ZNF169: variants seen among roughly 807,000 people sequenced by gnomAD.
ZNF169 encodes zinc finger protein 169.
In ZNF169, 11 loss-of-function variants were observed where a neutral mutation model predicts 12.0. The observed-to-expected ratio is 0.92, with a 90% confidence interval of 0.58 to 1.52. The LOEUF (loss-of-function observed/expected upper bound fraction) is 1.52, where lower values mean the gene tolerates loss of function less well. Ranked by LOEUF, ZNF169 falls within the 40% of genes most tolerant of loss-of-function variation. The pLI is 0.00. For synonymous variants in ZNF169, 302 were observed against 286.5 expected (o/e 1.05, Z -0.55); for missense variants, 722 against 744.0 (o/e 0.97, Z 0.34).
intron 2 of ZNF169, among the ~76,000 whole-genome samples, chr9:94,287,164 C>T (rs1323284700): frequency 6.6e-6 from 1 of 152,182 alleles, no homozygotes; most frequent in Non-Finnish European, 1.5e-5. Flanking sequence ...GAAGGGCCAC[C>T]ATGTTCCCTC....
chr9:94,280,799 G>A (rs905931008), intron 2 of ZNF169, among the ~76,000 whole-genome samples: 6 of 152,262 alleles, frequency 3.9e-5, no homozygotes, highest in Admixed American at 3.9e-4. Context: ...CCAGAGTGGT[G>A]GGGTGGGTAG....
At chr9:94,262,955 C>A (rs1295492136) in intron 1 of ZNF169, among the ~76,000 whole-genome samples, 3 of 152,152 alleles carry the variant, frequency 2.0e-5, no homozygotes, top group Non-Finnish European at 4.4e-5. Context: ...GGTCAAAGAA[C>A]AAATGATGTA....
intron 1 of ZNF169, among the ~76,000 whole-genome samples, 169 bp from the exon 2 acceptor site, chr9:94,278,589 G>T (rs1830564797): frequency 1.3e-5 from 2 of 152,200 alleles, no homozygotes. Flanking sequence ...GCCCAGCTCT[G>T]TGGGCTTTTT....
Position 94,301,125 on chromosome 9 carries a change from C to A in ZNF169, c.1567C>A (p.Leu523Ile). 1 of 1,613,944 alleles carries A rather than the reference C, an allele frequency of 6.2e-7. No individual in the cohort carries two copies. The highest frequency in any genetic ancestry group is 8.5e-7 in the Non-Finnish European group (1 of 1,179,964). Reference protein sequence around the residue: ...LYVDRVCGQGLGQKSHLISDQ... With the variant: ...LYVDRVCGQGIGQKSHLISDQ... Reference sequence around the variant, plus strand: ...CGTAGACAGGGTGTGTGGACAAGGACTTGGCCAGAAGTCACACCTTATCTC... The same window carrying A: ...CGTAGACAGGGTGTGTGGACAAGGAATTGGCCAGAAGTCACACCTTATCTC... Residue 523 changes from leucine (L) to isoleucine (I), a missense_variant, in exon 5 of 5, where the codon CTT (leucine) becomes ATT (isoleucine). Physicochemically the swap from Leu to Ile is conservative, Grantham distance 5 (BLOSUM62 2). Transcript: ENST00000395395.
At chr9:94,278,906 G>A in intron 2 of ZNF169, 61 bp downstream of exon 2, 1 of 1,575,766 alleles carries the variant, frequency 6.3e-7, no homozygotes, top group Non-Finnish European at 8.7e-7. Flanking sequence ...TTCTTGTCCT[G>A]AAGGCTGCCT....
chr9:94,298,686 G>A (rs1382628962), intron 4 of ZNF169, among the ~76,000 whole-genome samples: 4 of 143,736 alleles, frequency 2.8e-5, no homozygotes, highest in Admixed American at 1.5e-4. Flanking sequence ...CCAAGATCAC[G>A]CCACTGCACT....
At chr9:94,284,534 G>A (rs1011526388) in intron 2 of ZNF169, among the ~76,000 whole-genome samples, 1 of 152,106 alleles carries the variant, frequency 6.6e-6, no homozygotes, top group African/African-American at 2.4e-5. Context: ...AATTGTTAGA[G>A]CTAATGAATT....
chr9:94,268,466 A>G (rs1369049153), intron 1 of ZNF169, among the ~76,000 whole-genome samples: 1 of 152,184 alleles, frequency 6.6e-6, no homozygotes, highest in Non-Finnish European at 1.5e-5. Context: ...TTTATACCAA[A>G]TAAGCCCAAT....
rs1247549960 is a variant in ZNF169 at position 94,300,822 on chromosome 9, A to C, written c.1264A>C (p.Arg422=). The change falls in exon 5 of 5, where the codon AGG becomes CGG. Residue 422 remains arginine, a synonymous_variant. Coordinates refer to ENST00000395395, the MANE Select transcript of ZNF169 (RefSeq NM_194320.4). The stretch of plus-strand genomic sequence containing the variant: ...AAAGGTCACTCTCATCAGGCACCAG[A>C]GGACACACACAGGGGAGAAGCCTTA... ...RQKVTLIRHQ[R]THTGEKPYLC... The C allele has an allele frequency of 1.9e-6, 3 of 1,613,966 alleles. No individual in the cohort carries two copies. Among genetic ancestry groups the C allele is most frequent in the Non-Finnish European group, 1.7e-6 (2 of 1,179,988 alleles).
rs1410109102 is a variant in ZNF169 at position 94,292,638 on chromosome 9, T to TGC, written c.160+172_160+173insCG. On this transcript the variant is annotated intron_variant, in intron 3 of 4. Coordinates refer to ENST00000395395, the MANE Select transcript of ZNF169 (RefSeq NM_194320.4). ...GTGTGTGTGTGTGTGTGTGTGTGTGTGTGCGCGTGCACATGCTGTGAGCGT... is the reference window on the plus strand; with the variant it reads ...GTGTGTGTGTGTGTGTGTGTGTGTGTGCGTGCGCGTGCACATGCTGTGAGCGT... 1,961 of 824,588 alleles carry TGC rather than the reference T, an allele frequency of 2.4e-3. 21 individuals carry two copies. In the African/African-American group the frequency reaches 0.027, roughly 11 times the overall value. The allele number at this position is 824,588 out of a possible 1,614,324, so 51.1% of individuals were successfully genotyped here. A position where few individuals can be genotyped will look rare whatever the true frequency, so the allele number is the denominator to read the frequency against.
At chr9:94,261,603 T>C (rs934051435) in intron 1 of ZNF169, among the ~76,000 whole-genome samples, 4 of 146,918 alleles carry the variant, frequency 2.7e-5, no homozygotes, top group Non-Finnish European at 4.6e-5. Context: ...TCTTTGGAAA[T>C]TGTCTCTTTC....
intron 2 of ZNF169, chr9:94,288,129 G>C: frequency 1.2e-6 from 1 of 824,098 alleles, no homozygotes; most frequent in Non-Finnish European, 2.1e-6. Context: ...CAGCACCAGA[G>C]CACCCTGGAA....
intron 1 of ZNF169, among the ~76,000 whole-genome samples, chr9:94,270,817 TAAA>T (rs1179339489): frequency 5.2e-5 from 1 of 19,260 alleles, no homozygotes; most frequent in African/African-American, 1.3e-4. Context: ...TTATATTATA[TAAA>T]TATATATAAA....
rs757531399 is a variant in ZNF169 at position 94,301,044 on chromosome 9, G to A, written c.1486G>A (p.Gly496Ser). Residue 496 changes from glycine (G) to serine (S), a missense_variant, in exon 5 of 5, where the codon GGC becomes AGC. Physicochemically the swap from Gly to Ser is moderately conservative, Grantham distance 56. Transcript: ENST00000395395. Reference sequence around the variant, plus strand: ...GTGCCCCAAGTGTGGGCGTGCATTTGGCTTTAAGTCGCTCCTCACCCGACA... The same window carrying A: ...GTGCCCCAAGTGTGGGCGTGCATTTAGCTTTAAGTCGCTCCTCACCCGACA... ...YLCPKCGRAF[G>S]FKSLLTRHQR... 3 of 1,613,112 alleles carry A rather than the reference G, an allele frequency of 1.9e-6. No homozygotes were observed. The highest frequency in any genetic ancestry group is 2.5e-6 in the Non-Finnish European group (3 of 1,179,838).
intron 2 of ZNF169, among the ~76,000 whole-genome samples, chr9:94,286,480 A>G (rs912102743): frequency 6.6e-5 from 10 of 152,084 alleles, no homozygotes; most frequent in Non-Finnish European, 1.0e-4. Context: ...TTAATTCTCA[A>G]TATTGGGGGA....
chr9:94,271,678 C>T (rs10821333), intron 1 of ZNF169, among the ~76,000 whole-genome samples: 11,105 of 148,130 alleles, frequency 0.075, 584 homozygotes, highest in Middle Eastern at 0.12. Flanking sequence ...TGAGATTGTG[C>T]CATTGCACTC....
At chr9:94,266,360 T>G (rs73653454) in intron 1 of ZNF169, among the ~76,000 whole-genome samples, 3,910 of 152,304 alleles carry the variant, frequency 0.026, 161 homozygotes, top group African/African-American at 0.089. Flanking sequence ...ATTATAATCT[T>G]TCTGGCTACT....
chr9:94,285,676 A>G (rs938589717), intron 2 of ZNF169, among the ~76,000 whole-genome samples: 13 of 152,122 alleles, frequency 8.5e-5, no homozygotes, highest in Non-Finnish European at 5.9e-5. Flanking sequence ...TGTTACTTAT[A>G]GGGGAAAACA....
chr9:94,266,191 A>G (rs966777346), intron 1 of ZNF169, among the ~76,000 whole-genome samples: 8 of 152,102 alleles, frequency 5.3e-5, no homozygotes, highest in African/African-American at 1.7e-4. Flanking sequence ...TAGCCTTTGT[A>G]TAAGGGCACT....
Sources: gnomAD v4.1 joint callset for allele counts (sites outside exome capture counted in the v4.1 genomes callset) on GRCh38, gnomAD v4.1.1 for gene constraint, MANE v1.5 for transcripts, NCBI Gene and HGNC (gene_info 2026-07-23, HGNC 2026-07-21) for gene names.